The following ERC2 variants were observed in gnomAD, a reference collection of about 807,000 sequenced individuals.
ERC2 encodes the protein ERC protein 2.
In ERC2, 42 loss-of-function variants were observed where a neutral mutation model predicts 114.8. The observed-to-expected ratio is 0.37, with a 90% CI of 0.29 to 0.47. ERC2 has a LOEUF of 0.47. ERC2 is among the 20% of genes least tolerant of loss of function. ERC2 has a pLI of 0.99. For synonymous variants in ERC2, 454 were observed against 425.5 expected (o/e 1.07, Z -0.82); for missense variants, 939 against 1,150.7 (o/e 0.82, Z 2.66).
intron 2 of ERC2, among the ~76,000 whole-genome samples, chr3:56,422,245 A>G (rs1416889960): frequency 6.6e-6 from 1 of 152,110 alleles, no homozygotes; most frequent in Non-Finnish European, 1.5e-5. Flanking sequence ...CAATAACCCA[A>G]AGTAAAGAGC....
At chr3:56,199,440 G>T (rs2048288046) in intron 3 of ERC2, among the ~76,000 whole-genome samples, 2 of 152,004 alleles carry the variant, frequency 1.3e-5, no homozygotes, top group African/African-American at 4.8e-5. Context: ...TAGATCATGA[G>T]AAGGAGTTTG....
Position 55,686,239 on chromosome 3 carries a change from T to C in ERC2, c.2848-2380A>G, listed in dbSNP as rs1044530940. On this transcript the variant is annotated intron_variant, in intron 16 of 17. Coordinates refer to ENST00000288221, the MANE Select transcript of ERC2 (RefSeq NM_015576.3). ...TGCTAGTGAATAAAGTAAAGAAATA[T>C]GACAGTCCAATGTAAACTTTGCTAA... Among the ~76,000 whole-genome samples, 11 of 152,318 alleles carry C rather than the reference T, an allele frequency of 7.2e-5. 1 individual carries two copies. The highest frequency in any genetic ancestry group is 1.3e-4 in the Admixed American group (2 of 15,304).
intron 17 of ERC2, among the ~76,000 whole-genome samples, chr3:55,587,662 T>C (rs1300500935): frequency 6.6e-6 from 1 of 152,218 alleles, no homozygotes; most frequent in Non-Finnish European, 1.5e-5. Flanking sequence ...TCCAAAGTGG[T>C]TGTGAAATCC....
chr3:55,794,761 T>C (rs2070339976), intron 14 of ERC2, among the ~76,000 whole-genome samples: 1 of 152,188 alleles, frequency 6.6e-6, no homozygotes, highest in African/African-American at 2.4e-5. Context: ...TTATTTATAG[T>C]TGATACCTTC....
chr3:55,534,579 C>T (rs1005790233), intron 17 of ERC2, among the ~76,000 whole-genome samples: 1 of 151,896 alleles, frequency 6.6e-6, no homozygotes, highest in African/African-American at 2.4e-5. Context: ...GCCTGTAGTC[C>T]CACCTACTTG....
intron 17 of ERC2, among the ~76,000 whole-genome samples, chr3:55,513,356 A>G (rs1232483873): frequency 6.6e-6 from 1 of 152,194 alleles, no homozygotes; most frequent in Non-Finnish European, 1.5e-5. Flanking sequence ...GTTCCACCAA[A>G]GCTGAGCTTG....
intron 4 of ERC2, among the ~76,000 whole-genome samples, chr3:56,170,604 T>TTTTTTG (rs2082603561): frequency 1.5e-5 from 2 of 133,234 alleles, no homozygotes; most frequent in South Asian, 2.4e-4. Flanking sequence ...TTTTTTTTTT[T>TTTTTTG]TTTTTTTTTT....
intron 13 of ERC2, among the ~76,000 whole-genome samples, chr3:55,939,798 G>C (rs2149421418): frequency 6.6e-6 from 1 of 152,296 alleles, no homozygotes; most frequent in African/African-American, 2.4e-5. Flanking sequence ...TCCTTCCCTT[G>C]AGAAATGTCT....
intron 3 of ERC2, among the ~76,000 whole-genome samples, chr3:56,281,889 A>T (rs1382004399): frequency 6.6e-6 from 1 of 152,240 alleles, no homozygotes; most frequent in Non-Finnish European, 1.5e-5. Context: ...GACATGTAAA[A>T]TGCCACCAGG....
chr3:56,274,370 G>T (rs1269238773), intron 3 of ERC2, among the ~76,000 whole-genome samples: 3 of 152,094 alleles, frequency 2.0e-5, no homozygotes, highest in East Asian at 1.9e-4. Context: ...AACAGGTTGG[G>T]AACTGCTGGG....
intron 7 of ERC2, among the ~76,000 whole-genome samples, chr3:56,065,063 G>A (rs1401404): frequency 0.63 from 96,499 of 152,008 alleles, 31,880 homozygotes; most frequent in East Asian, 0.74. Context: ...TGAGGAGAGA[G>A]ACATAAAGAT....
In ERC2 at chr3:55,509,108, C is replaced by T. The variant is rs144826036; in HGVS notation, c.*2208G>A. On this transcript the variant is annotated 3_prime_UTR_variant, in exon 18 of 18. Transcript: ENST00000288221. ...TTAATTTTTAAGGGACTAAATTATA[C>T]GACCTCATAAAGGTAAGATCAGTAA... 3.7e-3 allele frequency: 560 copies of T among 152,676 alleles called. 2 individuals carry two copies. Among genetic ancestry groups the T allele is most frequent in the Middle Eastern group, 0.027 (8 of 294 alleles). The allele number at this position is 152,676 out of a possible 1,614,324, so 9.5% of individuals were successfully genotyped here.
intron 14 of ERC2, among the ~76,000 whole-genome samples, chr3:55,869,020 A>G (rs978745932): frequency 1.3e-5 from 2 of 152,052 alleles, no homozygotes; most frequent in African/African-American, 2.4e-5. Flanking sequence ...ATCCTTCCTT[A>G]TTATAAACAT....
At chr3:55,997,833 T>C (rs2071644688) in intron 10 of ERC2, among the ~76,000 whole-genome samples, 1 of 148,486 alleles carries the variant, frequency 6.7e-6, no homozygotes, top group Non-Finnish European at 1.5e-5. Context: ...ATAATACATT[T>C]GGAAACTAAT....
At chr3:56,281,494 G>A (rs1161820377) in intron 3 of ERC2, among the ~76,000 whole-genome samples, 1 of 148,484 alleles carries the variant, frequency 6.7e-6, no homozygotes, top group East Asian at 2.0e-4. Context: ...TACAATTTGT[G>A]CACAATTATG....
intron 13 of ERC2, among the ~76,000 whole-genome samples, chr3:55,900,131 C>T (rs889928349): frequency 2.6e-5 from 4 of 152,124 alleles, no homozygotes; most frequent in Non-Finnish European, 5.9e-5. Flanking sequence ...TGGGGAGAGC[C>T]CAATTGTTGG....
At chr3:56,373,789 T>C (rs538248797) in intron 2 of ERC2, among the ~76,000 whole-genome samples, 80 of 152,380 alleles carry the variant, frequency 5.3e-4, no homozygotes, top group African/African-American at 1.7e-3. Flanking sequence ...AAATGTTATG[T>C]ATTCATGTGT....
intron 4 of ERC2, among the ~76,000 whole-genome samples, chr3:56,172,861 G>T (rs997139414): frequency 2.0e-5 from 3 of 152,112 alleles, no homozygotes; most frequent in Non-Finnish European, 4.4e-5. Flanking sequence ...CTCTCAGAAG[G>T]ATTTTTCTAT....
intron 2 of ERC2, among the ~76,000 whole-genome samples, chr3:56,393,651 C>T (rs1203919060): frequency 6.6e-6 from 1 of 152,188 alleles, no homozygotes; most frequent in Non-Finnish European, 1.5e-5. Flanking sequence ...AGGACAGTTT[C>T]TGGCACATAC....
Sources: allele counts gnomAD v4.1 joint callset (sites outside exome capture counted in the v4.1 genomes callset), GRCh38; gene constraint gnomAD v4.1.1; transcripts MANE v1.5; gene names NCBI Gene and HGNC (gene_info 2026-07-23, HGNC 2026-07-21).